PCDH9: variants seen among roughly 807,000 people sequenced by gnomAD.
PCDH9 encodes protocadherin 9, also known as protocadherin-9.
Under a neutral mutation model 70.6 loss-of-function variants are expected in PCDH9, and 24 were observed. The observed-to-expected ratio is 0.34, with a 90% CI of 0.25 to 0.48. PCDH9 has a LOEUF of 0.48. Ranked by LOEUF, PCDH9 falls within the 20% of genes least tolerant of loss-of-function variation. PCDH9 has a pLI of 0.99. For synonymous variants in PCDH9, 562 were observed against 558.5 expected (o/e 1.01, Z -0.09); for missense variants, 1,281 against 1,503.6 (o/e 0.85, Z 2.45).
chr13:67,175,263 C>T (rs1013496552), intron 2 of PCDH9, among the ~76,000 whole-genome samples: 5 of 152,118 alleles, frequency 3.3e-5, no homozygotes, highest in African/African-American at 9.7e-5. Context: ...TAGTTACTGT[C>T]GTAGGAAAGT....
chr13:66,952,059 A>G (rs1026733210), intron 2 of PCDH9, among the ~76,000 whole-genome samples: 1 of 152,188 alleles, frequency 6.6e-6, no homozygotes, highest in Admixed American at 6.5e-5. Flanking sequence ...TAACTATACA[A>G]GTCGTTTCTC....
At chr13:67,144,117 A>G (rs2087463883) in intron 2 of PCDH9, among the ~76,000 whole-genome samples, 1 of 152,188 alleles carries the variant, frequency 6.6e-6, no homozygotes, top group Non-Finnish European at 1.5e-5. Context: ...TGAAGAGGAA[A>G]TGCAAATAGG....
intron 3 of PCDH9, among the ~76,000 whole-genome samples, chr13:66,701,434 T>C (rs1369132068): frequency 2.6e-5 from 4 of 152,206 alleles, no homozygotes; most frequent in Non-Finnish European, 5.9e-5. Context: ...TATATGCATA[T>C]GTACATTCAT....
intron 2 of PCDH9, among the ~76,000 whole-genome samples, chr13:67,076,131 G>A (rs928074229): frequency 6.6e-6 from 1 of 152,124 alleles, no homozygotes; most frequent in Non-Finnish European, 1.5e-5. Context: ...AATAGTATGG[G>A]AGTGGAGGCG....
intron 3 of PCDH9, among the ~76,000 whole-genome samples, chr13:66,637,562 A>C (rs1593818288): frequency 6.6e-6 from 1 of 152,332 alleles, no homozygotes; most frequent in East Asian, 1.9e-4. Flanking sequence ...TACTTATGTT[A>C]AAATGGCTCC....
At chr13:66,962,800 C>T (rs561908523) in intron 2 of PCDH9, among the ~76,000 whole-genome samples, 24 of 152,194 alleles carry the variant, frequency 1.6e-4, no homozygotes, top group South Asian at 4.1e-4. Context: ...GAACCATTTT[C>T]GTAGAGAATT....
At chr13:67,037,533 T>G (rs2085034327) in intron 2 of PCDH9, among the ~76,000 whole-genome samples, 1 of 152,212 alleles carries the variant, frequency 6.6e-6, no homozygotes, top group Admixed American at 6.5e-5. Flanking sequence ...TGACAGAATA[T>G]AAATAGAAAA....
At chr13:66,401,145 G>A (rs1392853959) in intron 4 of PCDH9, among the ~76,000 whole-genome samples, 1 of 152,080 alleles carries the variant, frequency 6.6e-6, no homozygotes, top group Non-Finnish European at 1.5e-5. Flanking sequence ...TCTTGAAAAC[G>A]TGCCCATGCA....
intron 4 of PCDH9, among the ~76,000 whole-genome samples, chr13:66,438,766 T>A (rs1957922346): frequency 6.6e-6 from 1 of 152,170 alleles, no homozygotes; most frequent in African/African-American, 2.4e-5. Flanking sequence ...CAGCCAAGAA[T>A]CTGTTCTTTG....
intron 4 of PCDH9, among the ~76,000 whole-genome samples, chr13:66,628,450 A>C (rs1451153416): frequency 6.6e-6 from 1 of 152,250 alleles, no homozygotes; most frequent in Non-Finnish European, 1.5e-5. Context: ...ATTTCTAAAA[A>C]CTAAGCTAGA....
At chr13:66,344,182 GC>G (rs1403260800) in intron 4 of PCDH9, among the ~76,000 whole-genome samples, 3 of 151,896 alleles carry the variant, frequency 2.0e-5, no homozygotes, top group Non-Finnish European at 4.4e-5. Flanking sequence ...TGCTCTTGTT[GC>G]CCAGGCTAGA....
At chr13:67,061,673 T>C (rs2085542507) in intron 2 of PCDH9, among the ~76,000 whole-genome samples, 1 of 152,114 alleles carries the variant, frequency 6.6e-6, no homozygotes, top group African/African-American at 2.4e-5. Context: ...TTCCCCTTCA[T>C]GTCTCTTACC....
intron 4 of PCDH9, among the ~76,000 whole-genome samples, chr13:66,399,363 A>G (rs1325571317): frequency 1.3e-5 from 2 of 152,144 alleles, no homozygotes; most frequent in Non-Finnish European, 1.5e-5. Context: ...GTCAGACTGC[A>G]TCTTTCTATC....
At chr13:66,380,536 CTTTTTT>C (rs59830525) in intron 4 of PCDH9, among the ~76,000 whole-genome samples, 40 of 53,394 alleles carry the variant, frequency 7.5e-4, no homozygotes, top group African/African-American at 2.5e-3. Flanking sequence ...AGATCTTGTC[CTTTTTT>C]TTTTTTTTTT....
chr13:66,658,693 T>G (rs1483936685), intron 3 of PCDH9, among the ~76,000 whole-genome samples: 1 of 152,140 alleles, frequency 6.6e-6, no homozygotes, highest in Non-Finnish European at 1.5e-5. Flanking sequence ...TAAGTAAGTA[T>G]GATGTTGTAA....
chr13:66,464,149 G>C (rs1471116888), intron 4 of PCDH9, among the ~76,000 whole-genome samples: 1 of 151,602 alleles, frequency 6.6e-6, no homozygotes, highest in African/African-American at 2.4e-5. Flanking sequence ...AGATTCAAGT[G>C]TTTAACCCAG....
intron 3 of PCDH9, among the ~76,000 whole-genome samples, chr13:66,821,646 T>C (rs2080714007): frequency 6.6e-6 from 1 of 152,210 alleles, no homozygotes; most frequent in Non-Finnish European, 1.5e-5. Context: ...TAAGTCATCC[T>C]AATTTCAAAG....
chr13:67,140,184 A>G (rs958273539), intron 2 of PCDH9, among the ~76,000 whole-genome samples: 2 of 151,954 alleles, frequency 1.3e-5, no homozygotes, highest in Non-Finnish European at 2.9e-5. Flanking sequence ...TACTAAATGT[A>G]CCTCCTGGGG....
intron 3 of PCDH9, among the ~76,000 whole-genome samples, chr13:66,843,451 G>T (rs2081150844): frequency 6.6e-6 from 1 of 151,980 alleles, no homozygotes; most frequent in African/African-American, 2.4e-5. Context: ...AAATACAAAG[G>T]CCACATGTAT....
Sources: gnomAD v4.1 joint callset for allele counts (sites outside exome capture counted in the v4.1 genomes callset) on GRCh38, gnomAD v4.1.1 for gene constraint, MANE v1.5 for transcripts, NCBI Gene and HGNC (gene_info 2026-07-23, HGNC 2026-07-21) for gene names.